Variants in SLC6A11 observed in about 807,000 individuals in gnomAD.
SLC6A11 encodes the protein sodium- and chloride-dependent GABA transporter 3.
SLC6A11 carries 25 observed loss-of-function variants against 74.8 expected under a neutral mutation model. The observed-to-expected ratio is 0.33, with a 90% CI of 0.24 to 0.47. SLC6A11 has a LOEUF of 0.47. SLC6A11 is among the 20% of genes least tolerant of loss of function. The probability of loss-of-function intolerance (pLI) is 1.00; values close to 1 mark genes in which losing one functional copy is unlikely to be tolerated. For missense variants in SLC6A11, 574 were observed against 837.0 expected (o/e 0.69, Z 3.88); for synonymous variants, 330 against 330.2 (o/e 1.00, Z 0.01).
intron 6 of SLC6A11, among the ~76,000 whole-genome samples, chr3:10,882,795 G>A (rs1043401095): frequency 2.0e-5 from 3 of 152,212 alleles, no homozygotes; most frequent in Admixed American, 6.5e-5. Flanking sequence ...GCCAGATGGT[G>A]ACCAACAGCC....
rs547534891 is a variant in SLC6A11, at chr3:10,827,077, G to T, written c.623+3685G>T. On this transcript the variant is annotated intron_variant, in intron 4 of 13. Transcript: ENST00000254488. ...CCTTCATACAGTTATACTTTTGTCAGACACCTCTAATTCCTCTTTGCCCCT... is the reference window on the plus strand; with the variant it reads ...CCTTCATACAGTTATACTTTTGTCATACACCTCTAATTCCTCTTTGCCCCT... Among the ~76,000 whole-genome samples the T allele has an allele frequency of 4.4e-4, 67 of 152,290 alleles. 2 individuals carry two copies. In the South Asian group the frequency reaches 0.013, roughly 31 times the overall value.
rs111257776 is a variant in SLC6A11, at chr3:10,918,731, C to T, written c.1120+278C>T. Reference sequence around the variant, plus strand: ...AAGCTTCACCGTCTCCCCACTAGCCCGGACCACCATCACTGCTCACCTGGA... The same window carrying T: ...AAGCTTCACCGTCTCCCCACTAGCCTGGACCACCATCACTGCTCACCTGGA... On this transcript the variant is annotated intron_variant, in intron 8 of 13. Coordinates refer to ENST00000254488, the MANE Select transcript of SLC6A11 (RefSeq NM_014229.3). The surrounding 1 kb of genome is among the most constrained non-coding windows in gnomAD (Gnocchi z 4.5). Among the ~76,000 whole-genome samples, 190 of 152,240 alleles carry T rather than the reference C, an allele frequency of 1.2e-3. 1 individual carries two copies. The highest frequency in any genetic ancestry group is 4.1e-3 in the African/African-American group (170 of 41,522).
chr3:10,852,164 A>T (rs1694584550), intron 5 of SLC6A11, among the ~76,000 whole-genome samples: 1 of 152,244 alleles, frequency 6.6e-6, no homozygotes, highest in Non-Finnish European at 1.5e-5. Flanking sequence ...AAGCAAGAGG[A>T]GAGCTGCCTT....
intron 4 of SLC6A11, among the ~76,000 whole-genome samples, chr3:10,827,383 A>T (rs1180696787): frequency 1.3e-5 from 2 of 152,216 alleles, no homozygotes; most frequent in African/African-American, 4.8e-5. Context: ...TCTTCCTTAA[A>T]TTCAGCCAAA....
intron 8 of SLC6A11, among the ~76,000 whole-genome samples, chr3:10,922,032 AG>A (rs1695543340): frequency 6.6e-6 from 1 of 152,220 alleles, no homozygotes; most frequent in Non-Finnish European, 1.5e-5. Context: ...GCATAGTTGG[AG>A]ATTTTAACAC....
intron 4 of SLC6A11, among the ~76,000 whole-genome samples, chr3:10,838,717 C>T (rs193214692): frequency 1.3e-5 from 2 of 152,276 alleles, no homozygotes; most frequent in East Asian, 3.9e-4. Flanking sequence ...CCACTGCACC[C>T]CAGCCTGGGC....
intron 9 of SLC6A11, among the ~76,000 whole-genome samples, chr3:10,928,721 C>T (rs899163401): frequency 6.6e-5 from 10 of 152,202 alleles, no homozygotes; most frequent in Non-Finnish European, 1.2e-4. Flanking sequence ...GGCAGGGAAG[C>T]GTCCCAACCC....
Position 10,933,174 on chromosome 3 carries a change from C to G in SLC6A11, c.1395C>G (p.Leu465=), listed in dbSNP as rs202074163. The change falls in exon 11 of 14, where the codon CTC becomes CTG. Residue 465 remains leucine, a synonymous_variant. Transcript: ENST00000254488. ...LTEGGMYIFQ[L]FDSYAASGMC... ...AGGGTGGCATGTACATCTTCCAGCT[C>G]TTTGACTCCTATGCCGCCAGTGGGA... 836 of 1,614,054 alleles carry G rather than the reference C, an allele frequency of 5.2e-4. 3 individuals are homozygous for G. Among genetic ancestry groups the G allele is most frequent in the South Asian group, 1.9e-3 (173 of 91,078 alleles).
At chr3:10,905,391 C>T (rs1324528476) in intron 6 of SLC6A11, among the ~76,000 whole-genome samples, 2 of 152,210 alleles carry the variant, frequency 1.3e-5, no homozygotes, top group Non-Finnish European at 2.9e-5. Flanking sequence ...AGAGGCTGTG[C>T]TGGAAGCTTG....
intron 5 of SLC6A11, among the ~76,000 whole-genome samples, chr3:10,866,452 G>A (rs1316352656): frequency 1.3e-5 from 2 of 152,174 alleles, no homozygotes; most frequent in Non-Finnish European, 2.9e-5. Flanking sequence ...ACCACCTGCT[G>A]GGCTGTTCCC....
intron 4 of SLC6A11, among the ~76,000 whole-genome samples, chr3:10,832,811 C>T (rs952778287): frequency 3.3e-5 from 5 of 152,198 alleles, no homozygotes; most frequent in Non-Finnish European, 7.3e-5. Flanking sequence ...AGTGAACACT[C>T]GATTTCTTTA....
chr3:10,873,765 G>GTCCTGTCCTGTCCTGTCCTA, intron 5 of SLC6A11, among the ~76,000 whole-genome samples: 1 of 125,608 alleles, frequency 8.0e-6, no homozygotes, highest in South Asian at 2.8e-4. Context: ...GTCCTGTCCT[G>GTCCTGTCCTGTCCTGTCCTA]TCCTGTCCTG....
At chr3:10,934,217 C>A in intron 12 of SLC6A11, 51 bp downstream of exon 12, 1 of 1,271,184 alleles carries the variant, frequency 7.9e-7, no homozygotes, top group Non-Finnish European at 1.2e-6. Context: ...CCCATCTACC[C>A]TCCAACCCAC....
intron 4 of SLC6A11, among the ~76,000 whole-genome samples, chr3:10,828,977 C>CTGAA (rs926003056): frequency 1.1e-4 from 17 of 152,138 alleles, no homozygotes; most frequent in Non-Finnish European, 1.9e-4. Context: ...GAATGGAAGA[C>CTGAA]TGAATGAATG....
chr3:10,874,015 A>ACGCTACGCTACGCTACGCTACGC (rs1694878597), intron 5 of SLC6A11, among the ~76,000 whole-genome samples: 3 of 152,080 alleles, frequency 2.0e-5, no homozygotes, highest in South Asian at 2.1e-4. Flanking sequence ...ATGCTATGCT[A>ACGCTACGCTACGCTACGCTACGC]TACCATCCTA....
At chr3:10,924,302 A>G (rs1695573869) in intron 8 of SLC6A11, among the ~76,000 whole-genome samples, 1 of 152,210 alleles carries the variant, frequency 6.6e-6, no homozygotes, top group Non-Finnish European at 1.5e-5. Context: ...CCATATGGCA[A>G]TGAAGTTCCT....
At chr3:10,822,952 A>G (rs1388015665) in intron 3 of SLC6A11, among the ~76,000 whole-genome samples, 2 of 152,156 alleles carry the variant, frequency 1.3e-5, no homozygotes, top group Non-Finnish European at 2.9e-5. Flanking sequence ...CTATTCCACT[A>G]CAGCCCTTCA....
chr3:10,891,328 C>A (rs1170688778), intron 6 of SLC6A11, among the ~76,000 whole-genome samples: 4 of 152,160 alleles, frequency 2.6e-5, no homozygotes, highest in Non-Finnish European at 5.9e-5. Context: ...AAAATATTAA[C>A]CCTCAGCATT....
chr3:10,925,269 C>G (rs751578074), intron 8 of SLC6A11, among the ~76,000 whole-genome samples: 1 of 152,214 alleles, frequency 6.6e-6, no homozygotes, highest in Non-Finnish European at 1.5e-5. Flanking sequence ...TGCTTCAGTG[C>G]TTTCCATTTA....
Sources: allele counts gnomAD v4.1 joint callset (sites outside exome capture counted in the v4.1 genomes callset), GRCh38; gene constraint gnomAD v4.1.1; non-coding constraint Gnocchi (gnomAD v3.1); transcripts MANE v1.5; gene names NCBI Gene and HGNC (gene_info 2026-07-23, HGNC 2026-07-21).